Variants in CPQ observed in about 807,000 individuals in gnomAD.
CPQ encodes carboxypeptidase Q, also known as Ser-Met dipeptidase.
In CPQ, 37 loss-of-function variants were observed where a neutral mutation model predicts 45.7. The ratio of observed to expected loss-of-function variants is 0.81; its 90% CI spans 0.62 to 1.07. The LOEUF (loss-of-function observed/expected upper bound fraction) is 1.07. Among genes scored for constraint, CPQ ranks in the 50% least tolerant of loss-of-function variants. CPQ has a pLI of 0.00. For synonymous variants in CPQ, 186 were observed against 205.8 expected, an observed-to-expected ratio of 0.90 and a Z score of 0.82; for missense variants, 537 against 572.9, an observed-to-expected ratio of 0.94 and a Z score of 0.64.
rs578092307 is a variant in CPQ at position 96,880,518 on chromosome 8, C to T, written c.849+513C>T. Among the ~76,000 whole-genome samples the T allele has an allele frequency of 9.6e-4, 93 of 97,296 alleles. 1 individual carries two copies. Among genetic ancestry groups the T allele is most frequent in the South Asian group, 1.6e-3 (5 of 3,222 alleles). 63.8% of individuals were successfully genotyped at this position (97,296 alleles called of 152,430 possible). On this transcript the variant is annotated intron_variant, in intron 4 of 7. Coordinates refer to ENST00000220763, the MANE Select transcript of CPQ (RefSeq NM_016134.4). Reference sequence around the variant, plus strand: ...GCTGGCTAAAAAACAAATATATGGTCATATATATATATATATATATATATA... The same window carrying T: ...GCTGGCTAAAAAACAAATATATGGTTATATATATATATATATATATATATA...
At chr8:96,876,174 T>G (rs1812142666) in intron 3 of CPQ, among the ~76,000 whole-genome samples, 1 of 152,056 alleles carries the variant, frequency 6.6e-6, no homozygotes, top group Non-Finnish European at 1.5e-5. Context: ...CTGCTAACCT[T>G]GATGAACTTC....
chr8:96,647,959 GGC>G (rs1815536062), intron 1 of CPQ, among the ~76,000 whole-genome samples: 1 of 152,150 alleles, frequency 6.6e-6, no homozygotes. Flanking sequence ...CCCTTGGTAA[GGC>G]ACTGCCTCCC....
chr8:96,806,694 GTATT>G (rs1811084412), intron 2 of CPQ, among the ~76,000 whole-genome samples: 1 of 152,144 alleles, frequency 6.6e-6, no homozygotes, highest in Non-Finnish European at 1.5e-5. Flanking sequence ...AAATGATACT[GTATT>G]TATGCATTTA....
intron 1 of CPQ, among the ~76,000 whole-genome samples, chr8:96,751,294 A>C (rs1266390531): frequency 6.6e-6 from 1 of 152,176 alleles, no homozygotes; most frequent in African/African-American, 2.4e-5. Flanking sequence ...ACTTGCCAGC[A>C]TCAGTTGTTT....
At chr8:96,942,879 C>G (rs548579455) in intron 4 of CPQ, among the ~76,000 whole-genome samples, 2 of 152,286 alleles carry the variant, frequency 1.3e-5, no homozygotes, top group East Asian at 3.9e-4. Flanking sequence ...TCATTCTTCC[C>G]TTTGGCTCCT....
At chr8:96,916,377 T>C (rs1002600500) in intron 4 of CPQ, among the ~76,000 whole-genome samples, 1 of 152,206 alleles carries the variant, frequency 6.6e-6, no homozygotes, top group South Asian at 2.1e-4. Flanking sequence ...AAATATTCTT[T>C]ATTATACAAC....
intron 7 of CPQ, among the ~76,000 whole-genome samples, chr8:97,128,811 A>C (rs1161096218): frequency 2.0e-5 from 3 of 152,270 alleles, no homozygotes; most frequent in Non-Finnish European, 4.4e-5. Flanking sequence ...AGAGGTATTC[A>C]GAAAAGGCTC....
chr8:96,993,037 C>G (rs1194154558), intron 5 of CPQ, among the ~76,000 whole-genome samples: 1 of 152,156 alleles, frequency 6.6e-6, no homozygotes, highest in Non-Finnish European at 1.5e-5. Context: ...TACATCATCC[C>G]TGGAAATTAA....
At position 96,829,264 on chromosome 8, in the gene CPQ, C is replaced by T. The variant is rs146940097; in HGVS notation, c.434-5709C>T. On this transcript the variant is annotated intron_variant, in intron 2 of 7. Transcript: ENST00000220763. ...TGATGCAGTGGGGTCTGGGCTCTCTCACAAGGCCAACAGAGCAGGTCTAAT... is the reference window on the plus strand; with the variant it reads ...TGATGCAGTGGGGTCTGGGCTCTCTTACAAGGCCAACAGAGCAGGTCTAAT... Among the ~76,000 whole-genome samples the T allele has an allele frequency of 3.4e-3, 516 of 152,162 alleles. 2 individuals are homozygous for T. The highest frequency in any genetic ancestry group is 0.012 in the African/African-American group (487 of 41,514).
intron 7 of CPQ, among the ~76,000 whole-genome samples, chr8:97,132,083 ATTAG>A (rs1029206998): frequency 1.3e-5 from 2 of 152,206 alleles, no homozygotes; most frequent in Admixed American, 1.3e-4. Context: ...GTTGTAAAGA[ATTAG>A]TTAGTCAAGG....
At chr8:96,713,347 G>A (rs182122160) in intron 1 of CPQ, among the ~76,000 whole-genome samples, 8 of 152,176 alleles carry the variant, frequency 5.3e-5, no homozygotes, top group Admixed American at 2.0e-4. Flanking sequence ...TTACAGCAGC[G>A]CCCCATTCCC....
intron 7 of CPQ, among the ~76,000 whole-genome samples, chr8:97,092,145 T>G (rs1811137211): frequency 6.6e-6 from 1 of 152,196 alleles, no homozygotes; most frequent in Non-Finnish European, 1.5e-5. Context: ...CTTTTCTTGC[T>G]TCATAGCTAA....
intron 2 of CPQ, among the ~76,000 whole-genome samples, chr8:96,830,955 G>A (rs931549258): frequency 6.6e-6 from 1 of 152,160 alleles, no homozygotes; most frequent in Non-Finnish European, 1.5e-5. Context: ...ATATCCAATA[G>A]TTACAAATCT....
chr8:96,740,099 GA>G (rs2130777588), intron 1 of CPQ, among the ~76,000 whole-genome samples: 1 of 152,026 alleles, frequency 6.6e-6, no homozygotes, highest in South Asian at 2.1e-4. Context: ...CATGAGCATG[GA>G]ATGTTCTTCC....
intron 1 of CPQ, among the ~76,000 whole-genome samples, chr8:96,774,027 T>C (rs538179423): frequency 2.4e-4 from 37 of 152,266 alleles, no homozygotes; most frequent in African/African-American, 8.7e-4. Flanking sequence ...TCACAGCACT[T>C]TGGGAGGCCG....
intron 6 of CPQ, among the ~76,000 whole-genome samples, chr8:97,030,886 T>C (rs912467585): frequency 6.6e-6 from 1 of 151,080 alleles, no homozygotes; most frequent in Admixed American, 6.6e-5. Context: ...AGGGAGGAGG[T>C]GGGTACTGCA....
At chr8:96,700,275 A>G (rs1809439499) in intron 1 of CPQ, among the ~76,000 whole-genome samples, 1 of 152,026 alleles carries the variant, frequency 6.6e-6, no homozygotes, top group South Asian at 2.1e-4. Context: ...TAAGATGTCT[A>G]AGAAGAAGAC....
intron 2 of CPQ, among the ~76,000 whole-genome samples, chr8:96,798,386 A>G (rs561234705): frequency 1.3e-5 from 2 of 152,120 alleles, no homozygotes; most frequent in East Asian, 1.9e-4. Flanking sequence ...GATCTTCCTG[A>G]CTTGGCCTCT....
intron 2 of CPQ, among the ~76,000 whole-genome samples, chr8:96,796,225 T>G (rs952894663): frequency 6.6e-6 from 1 of 152,176 alleles, no homozygotes; most frequent in Non-Finnish European, 1.5e-5. Flanking sequence ...TCCCTATTAT[T>G]TTACTTTGCA....
Sources: gnomAD v4.1 joint callset for allele counts (sites outside exome capture counted in the v4.1 genomes callset) on GRCh38, gnomAD v4.1.1 for gene constraint, MANE v1.5 for transcripts, NCBI Gene and HGNC (gene_info 2026-07-23, HGNC 2026-07-21) for gene names.